Variants in LAMP3 observed in about 807,000 individuals in gnomAD.
The protein encoded by LAMP3 is lysosome-associated membrane glycoprotein 3.
Under a neutral mutation model 34.8 loss-of-function variants are expected in LAMP3, and 26 were observed. That is an observed-to-expected ratio of 0.75 (90% CI 0.55 to 1.04). LAMP3 has a LOEUF of 1.04. LAMP3 is among the 50% of genes least tolerant of loss of function. The pLI, the probability that LAMP3 is intolerant of heterozygous loss-of-function variation, is 0.00. For missense variants in LAMP3, 495 were observed against 524.0 expected (o/e 0.94, Z 0.54); for synonymous variants, 180 against 201.9 (o/e 0.89, Z 0.92).
At chr3:183,163,259 G>A (rs1034485154), upstream of LAMP3, among the ~76,000 whole-genome samples, 5 of 142,362 alleles carry the variant, frequency 3.5e-5, no homozygotes, top group East Asian at 2.3e-4. Context: ...CCCGGCCAGG[G>A]TCTCCTCTTT....
intron 2 of LAMP3, 121 bp downstream of exon 2, chr3:183,153,561 T>G (rs1029948662): frequency 3.2e-6 from 2 of 616,702 alleles, no homozygotes; most frequent in Non-Finnish European, 5.5e-6. Context: ...TGGAGAGAGA[T>G]GAGCTCACAG....
chr3:183,162,473 G>A (rs924567637), intron 1 of LAMP3, 134 bp downstream of exon 1: 1 of 854,198 alleles, frequency 1.2e-6, no homozygotes, highest in Non-Finnish European at 1.9e-6. Flanking sequence ...ACAAGTTCCA[G>A]CTGGGAAGCC....
chr3:183,149,318 G>A (rs887033774), intron 3 of LAMP3, among the ~76,000 whole-genome samples: 4 of 151,614 alleles, frequency 2.6e-5, no homozygotes, highest in Non-Finnish European at 5.9e-5. Flanking sequence ...CAGGGGGGCG[G>A]ATCACGAGGT....
Position 183,135,700 on chromosome 3 carries a change from A to T in LAMP3, c.1117+17T>A, listed in dbSNP as rs1224521750. 1 of 1,612,772 alleles carries T rather than the reference A, an allele frequency of 6.2e-7. No individual in the cohort carries two copies. The highest frequency in any genetic ancestry group is 8.5e-7 in the Non-Finnish European group (1 of 1,179,030). ...CTCTAAAGTGTATGTTTGCAACCTG[A>T]TCGACCCTTAACTTACCATTTCCAA... On this transcript the variant is annotated intron_variant, in intron 5 of 5. Transcript: ENST00000265598.
At chr3:183,147,922 G>T (rs1720495233) in intron 3 of LAMP3, among the ~76,000 whole-genome samples, 1 of 152,090 alleles carries the variant, frequency 6.6e-6, no homozygotes, top group Non-Finnish European at 1.5e-5. Context: ...TTGCTATGTT[G>T]CCCAGGCTGA....
intron 1 of LAMP3, chr3:183,160,757 G>T (rs1381666907): frequency 6.6e-6 from 1 of 152,190 alleles, no homozygotes; most frequent in Non-Finnish European, 1.5e-5. Context: ...TTCAAAGCTC[G>T]ACTCTGTCAC....
intron 3 of LAMP3, among the ~76,000 whole-genome samples, chr3:183,146,754 T>C (rs1300423478): frequency 1.3e-5 from 2 of 151,860 alleles, no homozygotes; most frequent in African/African-American, 4.8e-5. Flanking sequence ...TCTTGAACTC[T>C]TGGCCTCAGG....
chr3:183,128,778 G>A (rs1320144575), intron 5 of LAMP3, among the ~76,000 whole-genome samples: 1 of 152,138 alleles, frequency 6.6e-6, no homozygotes, highest in Non-Finnish European at 1.5e-5. Context: ...CTGGGCTCAA[G>A]CAATCCTCCT....
At position 183,153,877 on chromosome 3, in the gene LAMP3, G is replaced by A; in HGVS notation, c.564C>T (p.Pro188=). The change falls in exon 2 of 6, where the codon CCC becomes CCT. Residue 188 remains proline (P), a synonymous_variant. Coordinates refer to ENST00000265598, the MANE Select transcript of LAMP3 (RefSeq NM_014398.4). ...KSTTGQKPVQ[P]THAPGTTAAA... ...CTGCCGTTGTTCCTGGGGCATGGGTGGGTTGAACAGGCTTCTGACCGGTTG... is the reference window on the plus strand; with the variant it reads ...CTGCCGTTGTTCCTGGGGCATGGGTAGGTTGAACAGGCTTCTGACCGGTTG... 1 of 1,613,968 alleles carries A rather than the reference G, an allele frequency of 6.2e-7. No homozygotes were observed. The highest frequency in any genetic ancestry group is 8.5e-7 in the Non-Finnish European group (1 of 1,179,886).
chr3:183,151,521 C>T lies in LAMP3; in HGVS notation c.888+854G>A, dbSNP rs562819970. Among the ~76,000 whole-genome samples, 36 of 151,454 alleles carry T rather than the reference C, an allele frequency of 2.4e-4. 1 individual carries two copies. The highest frequency in any genetic ancestry group is 4.4e-4 in the African/African-American group (18 of 41,232). On this transcript the variant is annotated intron_variant, in intron 3 of 5. Transcript: ENST00000265598. ...CGGCTCACTGCAACCTCCACCTCCC[C>T]GGTTCAAGTGATTCTCCTGCCTCAG...
intron 5 of LAMP3, among the ~76,000 whole-genome samples, chr3:183,125,026 A>C (rs1341972002): frequency 6.6e-6 from 1 of 152,252 alleles, no homozygotes; most frequent in African/African-American, 2.4e-5. Flanking sequence ...GAGAGTTTAC[A>C]AACTTATCAA....
chr3:183,150,443 G>A (rs1229149426), intron 3 of LAMP3, among the ~76,000 whole-genome samples: 1 of 152,100 alleles, frequency 6.6e-6, no homozygotes, highest in Non-Finnish European at 1.5e-5. Context: ...GTTTATTGAT[G>A]CCTTCCATTA....
intron 5 of LAMP3, among the ~76,000 whole-genome samples, chr3:183,126,557 T>C (rs1380756743): frequency 6.6e-6 from 1 of 151,752 alleles, no homozygotes; most frequent in Non-Finnish European, 1.5e-5. Flanking sequence ...TGTGTGTGTG[T>C]GTGTGTGCAC....
intron 4 of LAMP3, among the ~76,000 whole-genome samples, chr3:183,137,154 C>CG (rs1560306608): frequency 2.0e-5 from 3 of 151,462 alleles, no homozygotes; most frequent in Non-Finnish European, 4.4e-5. Context: ...CCTGCCTCTA[C>CG]TAAAAATACA....
intron 1 of LAMP3, 81 bp downstream of exon 1, chr3:183,162,526 C>G (rs888500890): frequency 1.4e-6 from 2 of 1,393,916 alleles, no homozygotes; most frequent in Non-Finnish European, 2.0e-6. Flanking sequence ...CGTCCTGTGG[C>G]GCCCGGGACT....
intron 1 of LAMP3, among the ~76,000 whole-genome samples, chr3:183,161,223 T>A (rs7630336): frequency 0.022 from 3,384 of 152,188 alleles, 126 homozygotes; most frequent in African/African-American, 0.078. Flanking sequence ...AGGGTTTGAA[T>A]CCAGTTCCGT....
At chr3:183,136,394 G>A (rs1720089827) in intron 4 of LAMP3, among the ~76,000 whole-genome samples, 1 of 152,196 alleles carries the variant, frequency 6.6e-6, no homozygotes, top group Non-Finnish European at 1.5e-5. Flanking sequence ...GCTCACGCCT[G>A]TAATCCCAGC....
rs1719729413 is a variant in LAMP3 at position 183,124,170 on chromosome 3, C to T, written c.1162G>A (p.Gly388Arg). The change falls in exon 6 of 6, where the codon GGG becomes AGG. Residue 388 changes from glycine to arginine, a missense_variant. Transcript: ENST00000265598. Reference protein sequence around the residue: ...SDYTIVLPVIGAIVVGLCLMG... With the variant: ...SDYTIVLPVIRAIVVGLCLMG... ...AGGCAGAGACCAACCACGATGGCCC[C>T]AATCACAGGAAGCACAATTGTGTAG... is the stretch of plus-strand genomic sequence containing the variant. The T allele has an allele frequency of 6.2e-7, 1 of 1,608,932 alleles. No individual in the cohort carries two copies. Among genetic ancestry groups the T allele is most frequent in the Admixed American group, 1.7e-5 (1 of 58,482 alleles).
intron 5 of LAMP3, chr3:183,132,387 A>G (rs1366262443): frequency 2.1e-6 from 2 of 970,184 alleles, no homozygotes; most frequent in East Asian, 1.1e-4. Flanking sequence ...TTTGAAATGC[A>G]TTGGTTTTTT....
Sources: allele counts gnomAD v4.1 joint callset (sites outside exome capture counted in the v4.1 genomes callset), GRCh38; gene constraint gnomAD v4.1.1; transcripts MANE v1.5; gene names NCBI Gene and HGNC (gene_info 2026-07-23, HGNC 2026-07-21).